HNF4G: variants seen among roughly 807,000 people sequenced by gnomAD.
HNF4G encodes hepatocyte nuclear factor 4-gamma.
HNF4G carries 21 observed loss-of-function variants against 50.9 expected under a neutral mutation model. The ratio of observed to expected loss-of-function variants is 0.41; its 90% CI spans 0.29 to 0.59. The LOEUF is 0.59. Ranked by LOEUF, HNF4G falls within the 20% of genes least tolerant of loss-of-function variation. The pLI is 0.26. For synonymous variants in HNF4G, 198 were observed against 185.6 expected (o/e 1.07, Z -0.54); for missense variants, 527 against 559.4 (o/e 0.94, Z 0.58).
At chr8:75,486,323 T>C (rs563194929) in intron 1 of HNF4G, among the ~76,000 whole-genome samples, 5 of 152,362 alleles carry the variant, frequency 3.3e-5, no homozygotes, top group African/African-American at 4.8e-5. Context: ...GTCCCTCTTA[T>C]AGAGACCTCA....
chr8:75,456,002 G>C (rs899469874), intron 1 of HNF4G, among the ~76,000 whole-genome samples: 1 of 151,936 alleles, frequency 6.6e-6, no homozygotes, highest in Non-Finnish European at 1.5e-5. Flanking sequence ...CAAGTTATAC[G>C]AGCTTTGCCA....
chr8:75,496,561 G>T (rs370374112), intron 2 of HNF4G, among the ~76,000 whole-genome samples: 4 of 151,702 alleles, frequency 2.6e-5, no homozygotes, highest in East Asian at 1.9e-4. Context: ...TTTCAGAGGG[G>T]ATTTACTCCA....
chr8:75,556,559 G>A (rs111477535), intron 6 of HNF4G, among the ~76,000 whole-genome samples: 7 of 152,084 alleles, frequency 4.6e-5, no homozygotes, highest in Non-Finnish European at 7.4e-5. Context: ...CGATAGACAG[G>A]AATGCTAGAA....
chr8:75,468,998 T>A (rs575051758), intron 1 of HNF4G, among the ~76,000 whole-genome samples: 1 of 152,258 alleles, frequency 6.6e-6, no homozygotes, highest in East Asian at 1.9e-4. Context: ...GTCATAAAAC[T>A]TTCAGTGGCT....
upstream of HNF4G, among the ~76,000 whole-genome samples, chr8:75,536,417 TCTA>T (rs1253014120): frequency 1.3e-5 from 2 of 152,088 alleles, no homozygotes; most frequent in African/African-American, 2.4e-5. Context: ...ATAATTTTCT[TCTA>T]CTATCACTTA....
intron 1 of HNF4G, among the ~76,000 whole-genome samples, chr8:75,436,522 T>C (rs987071378): frequency 6.6e-6 from 1 of 152,114 alleles, no homozygotes; most frequent in African/African-American, 2.4e-5. Context: ...TGCAGATCAG[T>C]AGGGAAAGGG....
At chr8:75,525,983 G>A (rs940834721) in intron 2 of HNF4G, among the ~76,000 whole-genome samples, 36 of 152,176 alleles carry the variant, frequency 2.4e-4, no homozygotes, top group African/African-American at 8.7e-4. Flanking sequence ...AATATTTACT[G>A]CATTTGGTAA....
intron 1 of HNF4G, among the ~76,000 whole-genome samples, chr8:75,440,054 T>G (rs1811241358): frequency 6.6e-6 from 1 of 152,146 alleles, no homozygotes; most frequent in Admixed American, 6.5e-5. Flanking sequence ...ATCAGAACAT[T>G]ATCTTAATGA....
intron 2 of HNF4G, among the ~76,000 whole-genome samples, chr8:75,503,338 A>C (rs540995210): frequency 4.8e-5 from 7 of 144,366 alleles, no homozygotes; most frequent in Admixed American, 4.8e-4. Context: ...TCAATGAGTT[A>C]AAACATGTAA....
chr8:75,532,753 C>T (rs1806362139), intron 2 of HNF4G, among the ~76,000 whole-genome samples: 1 of 152,006 alleles, frequency 6.6e-6, no homozygotes, highest in South Asian at 2.1e-4. Context: ...CACTGAAATA[C>T]CCATGACTAA....
chr8:75,529,742 A>C (rs1442830501), intron 2 of HNF4G, among the ~76,000 whole-genome samples: 1 of 152,172 alleles, frequency 6.6e-6, no homozygotes, highest in African/African-American at 2.4e-5. Context: ...ATTTCCTTTC[A>C]CTAATTTCTA....
At chr8:75,525,531 T>G (rs981557676) in intron 2 of HNF4G, among the ~76,000 whole-genome samples, 1 of 152,152 alleles carries the variant, frequency 6.6e-6, no homozygotes, top group Non-Finnish European at 1.5e-5. Context: ...GAAAACCACC[T>G]CTGGGACCTG....
Position 75,411,769 on chromosome 8 carries a change from C to A in HNF4G, c.-144+3607C>A, listed in dbSNP as rs139141980. The stretch of plus-strand genomic sequence containing the variant: ...TCAGATGGCAAGGTTTACATCCCAG[C>A]CCAGTTATTCACTAAATGGGAAGGG... On this transcript the variant is annotated intron_variant, in intron 1 of 10. Coordinates refer to the HNF4G transcript ENST00000354370. Among the ~76,000 whole-genome samples the A allele has an allele frequency of 3.4e-3, 525 of 152,276 alleles. 5 individuals are homozygous for A. The highest frequency in any genetic ancestry group is 0.012 in the African/African-American group (484 of 41,564).
intron 1 of HNF4G, among the ~76,000 whole-genome samples, chr8:75,409,530 C>T (rs1399364404): frequency 7.0e-6 from 1 of 141,946 alleles, no homozygotes; most frequent in African/African-American, 2.7e-5. Flanking sequence ...GCTCTGTCAC[C>T]CAGGCTAGAG....
chr8:75,409,161 A>G (rs1172616404), intron 1 of HNF4G, among the ~76,000 whole-genome samples: 1 of 152,132 alleles, frequency 6.6e-6, no homozygotes, highest in African/African-American at 2.4e-5. Flanking sequence ...AGGTGTGGCA[A>G]GGAGAGGGAG....
chr8:75,418,270 A>G (rs1810689195), intron 1 of HNF4G, among the ~76,000 whole-genome samples: 1 of 152,060 alleles, frequency 6.6e-6, no homozygotes, highest in Non-Finnish European at 1.5e-5. Context: ...GGGCCCACCA[A>G]CTTGACTTCA....
chr8:75,452,257 T>C (rs765885189), intron 1 of HNF4G, among the ~76,000 whole-genome samples: 1 of 152,140 alleles, frequency 6.6e-6, no homozygotes, highest in South Asian at 2.1e-4. Flanking sequence ...TATTATACCA[T>C]TTCTAGTGGT....
In HNF4G at chr8:75,564,786, G is replaced by A. The variant is rs1266942678; in HGVS notation, c.*690G>A. ...TATCAGTTAGGATACAGGGTGAACT[G>A]TAACAAAGAAACCCCTAAAACAGTG... is the stretch of plus-strand genomic sequence containing the variant. On this transcript the variant is annotated 3_prime_UTR_variant, in exon 10 of 10. Transcript: ENST00000396423. 6.6e-6 allele frequency: 1 copy of A among 152,184 alleles called. No homozygotes were observed. Among genetic ancestry groups the A allele is most frequent in the East Asian group, 1.9e-4 (1 of 5,198 alleles). 9.4% of individuals were successfully genotyped at this position (152,184 alleles called of 1,614,324 possible).
At chr8:75,537,818 G>T (rs1806509136), upstream of HNF4G, among the ~76,000 whole-genome samples, 1 of 151,900 alleles carries the variant, frequency 6.6e-6, no homozygotes, top group Non-Finnish European at 1.5e-5. Context: ...AAAAGGTCTT[G>T]GTTTTACAAA....
Sources: allele counts gnomAD v4.1 joint callset (sites outside exome capture counted in the v4.1 genomes callset), GRCh38; gene constraint gnomAD v4.1.1; transcripts MANE v1.5; gene names NCBI Gene and HGNC (gene_info 2026-07-23, HGNC 2026-07-21).